The following C8orf34 variants were observed in gnomAD, a reference collection of about 807,000 sequenced individuals.
C8orf34 encodes uncharacterized protein C8orf34.
Under a neutral mutation model 68.3 loss-of-function variants are expected in C8orf34, and 65 were observed. The ratio of observed to expected loss-of-function variants is 0.95; its 90% CI spans 0.78 to 1.17. The LOEUF is 1.17. Among genes scored for constraint, C8orf34 ranks in the 50% most tolerant of loss-of-function variants. The pLI is 0.00. For missense variants in C8orf34, 664 were observed against 655.4 expected, an observed-to-expected ratio of 1.01 and a Z score of -0.14; for synonymous variants, 244 against 241.2, an observed-to-expected ratio of 1.01 and a Z score of -0.11.
At chr8:68,802,989 A>T (rs1457521088) in intron 12 of C8orf34, among the ~76,000 whole-genome samples, 1 of 152,144 alleles carries the variant, frequency 6.6e-6, no homozygotes, top group Non-Finnish European at 1.5e-5. Flanking sequence ...GAGTAGTCGT[A>T]TATCTATTAA....
chr8:68,679,662 T>A (rs1460241461), intron 8 of C8orf34, among the ~76,000 whole-genome samples: 2 of 152,088 alleles, frequency 1.3e-5, no homozygotes, highest in Non-Finnish European at 2.9e-5. Flanking sequence ...ATATTACCTA[T>A]TACCTAACTC....
chr8:68,611,889 T>G (rs1024287325), intron 7 of C8orf34, among the ~76,000 whole-genome samples: 2 of 152,170 alleles, frequency 1.3e-5, no homozygotes, highest in African/African-American at 2.4e-5. Flanking sequence ...CAGTGAAATC[T>G]TGTACCTCAG....
intron 9 of C8orf34, among the ~76,000 whole-genome samples, chr8:68,716,519 C>T (rs900177828): frequency 2.6e-5 from 4 of 151,938 alleles, no homozygotes; most frequent in African/African-American, 9.7e-5. Context: ...AAAAGTCCAA[C>T]AAGCAGATGA....
chr8:68,449,914 A>G (rs909132874), intron 3 of C8orf34, among the ~76,000 whole-genome samples: 2 of 152,140 alleles, frequency 1.3e-5, no homozygotes, highest in African/African-American at 4.8e-5. Context: ...AAAGTTATTC[A>G]TAATATGTGA....
At chr8:68,708,536 C>T (rs911121372) in intron 8 of C8orf34, among the ~76,000 whole-genome samples, 6 of 152,162 alleles carry the variant, frequency 3.9e-5, no homozygotes, top group South Asian at 2.1e-4. Flanking sequence ...AGACATATCT[C>T]GACCCACAGG....
intron 8 of C8orf34, among the ~76,000 whole-genome samples, chr8:68,646,732 T>C (rs995243006): frequency 2.6e-5 from 4 of 152,328 alleles, no homozygotes; most frequent in African/African-American, 9.6e-5. Context: ...TTTGTCTTTC[T>C]GTGCCTGCTT....
intron 10 of C8orf34, among the ~76,000 whole-genome samples, chr8:68,744,384 G>A (rs1185854709): frequency 6.6e-6 from 1 of 152,242 alleles, no homozygotes. Flanking sequence ...GCTGGACGGA[G>A]AATGACTTTG....
chr8:68,588,064 GCTT>G, intron 7 of C8orf34, among the ~76,000 whole-genome samples: 1 of 152,078 alleles, frequency 6.6e-6, no homozygotes, highest in African/African-American at 2.4e-5. Context: ...TCACTTTTAT[GCTT>G]ATAGCTATAC....
chr8:68,436,887 G>A (rs377611752), intron 1 of C8orf34, among the ~76,000 whole-genome samples: 2 of 152,198 alleles, frequency 1.3e-5, no homozygotes, highest in South Asian at 2.1e-4. Context: ...GCCATGATTG[G>A]CAAATCTAAG....
rs535745744 is a variant in C8orf34 at position 68,406,236 on chromosome 8, C to T, written c.328-33263C>T. Among the ~76,000 whole-genome samples the T allele has an allele frequency of 9.9e-5, 15 of 152,148 alleles. No homozygotes were observed. In the East Asian group the frequency reaches 1.4e-3, roughly 14 times the overall value. The stretch of plus-strand genomic sequence containing the variant: ...GGGCTTTGGTTTCAGTAAACATACA[C>T]GTAGTTTTGGTCTTTCTTATATGAA... On this transcript the variant is annotated intron_variant, in intron 1 of 13. Coordinates refer to ENST00000518698, the MANE Select transcript of C8orf34 (RefSeq NM_052958.4).
chr8:68,795,076 C>T (rs184787992), intron 12 of C8orf34, among the ~76,000 whole-genome samples: 2 of 152,202 alleles, frequency 1.3e-5, no homozygotes, highest in African/African-American at 4.8e-5. Flanking sequence ...TCCATTATGA[C>T]TGTTAAAATC....
At chr8:68,461,568 G>T (rs1586185559) in intron 3 of C8orf34, among the ~76,000 whole-genome samples, 1 of 152,322 alleles carries the variant, frequency 6.6e-6, no homozygotes, top group Middle Eastern at 3.4e-3. Flanking sequence ...TCAAAGGGGA[G>T]CCCATCAGAC....
intron 7 of C8orf34, among the ~76,000 whole-genome samples, chr8:68,538,377 T>C (rs1000550452): frequency 2.0e-5 from 3 of 151,982 alleles, no homozygotes; most frequent in African/African-American, 7.2e-5. Flanking sequence ...TACACGTAAT[T>C]AATTGTAAAG....
At chr8:68,469,612 C>G (rs1369268364) in intron 4 of C8orf34, among the ~76,000 whole-genome samples, 1 of 151,938 alleles carries the variant, frequency 6.6e-6, no homozygotes, top group Non-Finnish European at 1.5e-5. Flanking sequence ...AGTATTCCTA[C>G]ATTTTTTTGG....
At chr8:68,502,750 C>T (rs936170600) in intron 5 of C8orf34, among the ~76,000 whole-genome samples, 2 of 152,126 alleles carry the variant, frequency 1.3e-5, no homozygotes, top group African/African-American at 4.8e-5. Context: ...TAGACAATTA[C>T]CATTTGGCAA....
chr8:68,499,201 G>A (rs10108737), intron 5 of C8orf34, among the ~76,000 whole-genome samples: 18,704 of 152,106 alleles, frequency 0.12, 1,713 homozygotes, highest in African/African-American at 0.25. Context: ...TTCCTGCATT[G>A]ATTCGCTTAG....
chr8:68,608,267 G>T (rs1362490659), intron 7 of C8orf34, among the ~76,000 whole-genome samples: 1 of 152,028 alleles, frequency 6.6e-6, no homozygotes, highest in Non-Finnish European at 1.5e-5. Flanking sequence ...AACCACTCTA[G>T]AGCTATGTAG....
At chr8:68,464,836 C>T in intron 3 of C8orf34, among the ~76,000 whole-genome samples, 1 of 152,020 alleles carries the variant, frequency 6.6e-6, no homozygotes, top group Non-Finnish European at 1.5e-5. Context: ...AGACCTAAAA[C>T]CATAAAAACC....
chr8:68,456,717 GT>G (rs1401615245), intron 3 of C8orf34, among the ~76,000 whole-genome samples: 2 of 151,852 alleles, frequency 1.3e-5, no homozygotes, highest in African/African-American at 4.8e-5. Context: ...TTTGATGAAG[GT>G]TTTGCCTTGT....
Sources: gnomAD v4.1 joint callset for allele counts (sites outside exome capture counted in the v4.1 genomes callset) on GRCh38, gnomAD v4.1.1 for gene constraint, MANE v1.5 for transcripts, NCBI Gene and HGNC (gene_info 2026-07-23, HGNC 2026-07-21) for gene names.